The following LMBRD2 variants were observed in gnomAD, a reference collection of about 807,000 sequenced individuals.
The protein encoded by LMBRD2 is LMBR1 domain containing 2.
In LMBRD2, 55 loss-of-function variants were observed where a neutral mutation model predicts 94.4. The ratio of observed to expected loss-of-function variants is 0.58; its 90% CI spans 0.47 to 0.73. The LOEUF (loss-of-function observed/expected upper bound fraction) is 0.73. LMBRD2 is among the 30% of genes least tolerant of loss of function. The probability of loss-of-function intolerance (pLI) is 0.00; values close to 1 mark genes in which losing one functional copy is unlikely to be tolerated. For missense variants in LMBRD2, 640 were observed against 831.9 expected (o/e 0.77, Z 2.84); for synonymous variants, 246 against 272.4 (o/e 0.90, Z 0.95).
chr5:36,131,677 C>G (rs1744155791), intron 6 of LMBRD2, among the ~76,000 whole-genome samples: 1 of 152,194 alleles, frequency 6.6e-6, no homozygotes, highest in South Asian at 2.1e-4. Context: ...AGTGGCATTT[C>G]TATATGTCAA....
chr5:36,126,622 T>C (rs1201732698), intron 6 of LMBRD2, among the ~76,000 whole-genome samples: 1 of 152,222 alleles, frequency 6.6e-6, no homozygotes, highest in Non-Finnish European at 1.5e-5. Context: ...GGTGACCTTT[T>C]TGGCCATCTA....
chr5:36,124,401 G>A, intron 6 of LMBRD2, 136 bp from the exon 7 acceptor site: 1 of 530,094 alleles, frequency 1.9e-6, no homozygotes, highest in African/African-American at 2.0e-5. Context: ...CATGAATAAA[G>A]GTTCTTAAGA....
At chr5:36,118,840 C>T (rs1477429010) in intron 9 of LMBRD2, among the ~76,000 whole-genome samples, 1 of 151,646 alleles carries the variant, frequency 6.6e-6, no homozygotes, top group African/African-American at 2.4e-5. Flanking sequence ...TTATTAGACA[C>T]GTGCCACCAT....
At position 36,143,245 on chromosome 5, in the gene LMBRD2, A is replaced by G; in HGVS notation, c.105T>C (p.Ile35=). ...GATACCAAGCAAGCAGTGTTCCAAT[A>G]ATCACAAGTCTATGCTGTTTCTTAA... ...GDFKKQHRLV[I]IGTLLAWYLC... is the part of the protein sequence containing the mutation. Residue 35 remains isoleucine, a synonymous_variant, in exon 2 of 18, where the codon ATT becomes ATC. Transcript: ENST00000296603. The G allele has an allele frequency of 6.2e-7, 1 of 1,613,020 alleles. No homozygotes were observed. The highest frequency in any genetic ancestry group is 8.5e-7 in the Non-Finnish European group (1 of 1,179,082).
At chr5:36,129,140 G>A (rs1744076325) in intron 6 of LMBRD2, among the ~76,000 whole-genome samples, 1 of 152,158 alleles carries the variant, frequency 6.6e-6, no homozygotes, top group African/African-American at 2.4e-5. Flanking sequence ...AAATCTAAGA[G>A]TTCTTGGCCT....
chr5:36,137,143 G>T, intron 5 of LMBRD2, 131 bp downstream of exon 5: 3 of 561,452 alleles, frequency 5.3e-6, no homozygotes, highest in South Asian at 4.3e-5. Context: ...TTCTTTTGGG[G>T]AAATCCATAA....
chr5:36,114,903 T>C (rs921395655), intron 12 of LMBRD2, 112 bp downstream of exon 12: 1 of 715,502 alleles, frequency 1.4e-6, no homozygotes, highest in Admixed American at 3.1e-5. Context: ...TAAGAGAAAA[T>C]TTTACCAATA....
chr5:36,131,510 A>G (rs1744152231), intron 6 of LMBRD2, among the ~76,000 whole-genome samples: 2 of 152,172 alleles, frequency 1.3e-5, no homozygotes, highest in South Asian at 4.1e-4. Context: ...AGAAAGATAT[A>G]AAGGGCATCA....
intron 6 of LMBRD2, among the ~76,000 whole-genome samples, chr5:36,134,212 T>G (rs957418881): frequency 9.9e-5 from 15 of 152,144 alleles, no homozygotes; most frequent in African/African-American, 3.6e-4. Context: ...TAATACTATT[T>G]ACAGACTCAC....
intron 14 of LMBRD2, among the ~76,000 whole-genome samples, chr5:36,110,555 C>T (rs777303636): frequency 6.6e-6 from 1 of 151,956 alleles, no homozygotes; most frequent in Non-Finnish European, 1.5e-5. Context: ...AGCTGCAATA[C>T]ATTTTGTCTT....
chr5:36,122,058 G>T (rs1398123452), intron 9 of LMBRD2, among the ~76,000 whole-genome samples: 1 of 152,012 alleles, frequency 6.6e-6, no homozygotes, highest in Non-Finnish European at 1.5e-5. Context: ...TTTTTTAATA[G>T]AATTTTTATT....
chr5:36,106,148 G>C (rs928652273), intron 16 of LMBRD2, among the ~76,000 whole-genome samples: 3 of 152,034 alleles, frequency 2.0e-5, no homozygotes, highest in Admixed American at 2.0e-4. Context: ...CTCCCGTCTT[G>C]CCAGGTCTTT....
intron 8 of LMBRD2, 82 bp from the exon 9 acceptor site, chr5:36,122,545 T>G: frequency 8.2e-7 from 1 of 1,212,522 alleles, no homozygotes; most frequent in South Asian, 1.3e-5. Context: ...ATGTTTGGAT[T>G]GTCATAACAA....
At chr5:36,128,498 G>A (rs1482626893) in intron 6 of LMBRD2, among the ~76,000 whole-genome samples, 1 of 152,108 alleles carries the variant, frequency 6.6e-6, no homozygotes, top group African/African-American at 2.4e-5. Flanking sequence ...AAGGCTGGAG[G>A]TCACTTAAGC....
intron 13 of LMBRD2, among the ~76,000 whole-genome samples, chr5:36,111,582 A>AT (rs924537348): frequency 1.3e-5 from 2 of 151,998 alleles, no homozygotes; most frequent in African/African-American, 4.8e-5. Flanking sequence ...TGTAAGAGCA[A>AT]TTTTTTTCCT....
At position 36,125,721 on chromosome 5, in the gene LMBRD2, T is replaced by A. The variant is rs373915978; in HGVS notation, c.748-1456A>T. On this transcript the variant is annotated intron_variant, in intron 6 of 17. Transcript: ENST00000296603. ...ATAAATAATCTGTACCAGTAGACAC[T>A]ATTCCTGTCAAGGAATTTAGCTTAA... is the stretch of plus-strand genomic sequence containing the variant. 1.5e-4 allele frequency among the ~76,000 whole-genome samples: 23 copies of A among 152,312 alleles called. No homozygotes were observed. The East Asian group carries it at 3.9e-3, about 26-fold the overall frequency.
intron 7 of LMBRD2, 31 bp downstream of exon 7, chr5:36,124,160 C>T: frequency 7.7e-7 from 1 of 1,305,350 alleles, no homozygotes; most frequent in African/African-American, 1.5e-5. Context: ...GTGTATATTT[C>T]AAAAGGAAAC....
chr5:36,124,209 A>C lies in LMBRD2; in HGVS notation c.804T>G (p.Val268=). The change falls in exon 7 of 18, where the codon GTT becomes GTG. Residue 268 remains valine (V), a synonymous_variant. Transcript: ENST00000296603. Reference sequence around the variant, plus strand: ...TCATTACCTTTTTAAGTATTGTATCAACACATTTTCTCAATGGGTGATTAT... The same window carrying C: ...TCATTACCTTTTTAAGTATTGTATCCACACATTTTCTCAATGGGTGATTAT... ...IKYNHPLRKC[V]DTILKKCPTE... The C allele has an allele frequency of 6.3e-7, 1 of 1,581,674 alleles. No individual in the cohort carries two copies. Among genetic ancestry groups the C allele is most frequent in the African/African-American group, 1.3e-5 (1 of 74,382 alleles).
intron 4 of LMBRD2, among the ~76,000 whole-genome samples, chr5:36,140,165 A>C (rs949771061): frequency 1.3e-5 from 2 of 152,162 alleles, no homozygotes; most frequent in Non-Finnish European, 2.9e-5. Context: ...CCCACAGCAG[A>C]AGCTGCTTGC....
Sources: allele counts gnomAD v4.1 joint callset (sites outside exome capture counted in the v4.1 genomes callset), GRCh38; gene constraint gnomAD v4.1.1; transcripts MANE v1.5; gene names NCBI Gene and HGNC (gene_info 2026-07-23, HGNC 2026-07-21).